Variants in SLC44A5 observed in about 807,000 individuals in gnomAD.
The protein encoded by SLC44A5 is choline transporter-like protein 5.
In SLC44A5, 57 loss-of-function variants were observed where a neutral mutation model predicts 101.8. The ratio of observed to expected loss-of-function variants is 0.56; its 90% confidence interval spans 0.45 to 0.70. The LOEUF is 0.70. Ranked by LOEUF, SLC44A5 falls within the 30% of genes least tolerant of loss-of-function variation. SLC44A5 has a pLI of 0.00. For synonymous variants in SLC44A5, 281 were observed against 290.9 expected, an observed-to-expected ratio of 0.97 and a Z score of 0.35; for missense variants, 737 against 853.1, an observed-to-expected ratio of 0.86 and a Z score of 1.70.
chr1:75,686,353 A>T, the SLC44A5 span, among the ~76,000 whole-genome samples: 1 of 152,240 alleles, frequency 6.6e-6, no homozygotes, highest in East Asian at 1.9e-4. Context: ...AATAAAAAAT[A>T]GTCATGGAAG....
At chr1:75,688,122 C>T in the SLC44A5 span, among the ~76,000 whole-genome samples, 1 of 152,168 alleles carries the variant, frequency 6.6e-6, no homozygotes, top group Non-Finnish European at 1.5e-5. Flanking sequence ...TCAACCTACA[C>T]CAAGTAGTTC....
chr1:75,491,826 G>T (rs1210164215), intron 2 of SLC44A5, among the ~76,000 whole-genome samples: 2 of 152,118 alleles, frequency 1.3e-5, no homozygotes, highest in Non-Finnish European at 2.9e-5. Flanking sequence ...TCAGTTGCTT[G>T]TTTCTAAAGA....
chr1:75,258,663 C>T (rs1399705681), intron 6 of SLC44A5, among the ~76,000 whole-genome samples: 3 of 152,118 alleles, frequency 2.0e-5, no homozygotes, highest in South Asian at 2.1e-4. Context: ...CCCAGCACAG[C>T]GTTTGAGCTC....
intron 2 of SLC44A5, among the ~76,000 whole-genome samples, chr1:75,501,782 T>A (rs1298778927): frequency 6.6e-6 from 1 of 152,210 alleles, no homozygotes; most frequent in Admixed American, 6.5e-5. Flanking sequence ...TCTGATGAAT[T>A]GTTATCTGAA....
intron 3 of SLC44A5, among the ~76,000 whole-genome samples, chr1:75,343,412 C>A (rs1658026726): frequency 2.0e-5 from 3 of 152,086 alleles, no homozygotes; most frequent in Admixed American, 2.0e-4. Flanking sequence ...TTTCACATGG[C>A]TCCATTGAAA....
chr1:75,234,996 G>A (rs533365407), intron 11 of SLC44A5, among the ~76,000 whole-genome samples: 121 of 152,120 alleles, frequency 8.0e-4, no homozygotes, highest in African/African-American at 2.7e-3. Context: ...CAGACAGAGT[G>A]TAGTACATTT....
intron 1 of SLC44A5, among the ~76,000 whole-genome samples, chr1:75,547,512 G>A (rs893733762): frequency 6.6e-6 from 1 of 152,186 alleles, no homozygotes; most frequent in African/African-American, 2.4e-5. Flanking sequence ...CTACCAAGAG[G>A]TGTAAGTGGT....
chr1:75,575,280 T>G (rs1477496763), intron 1 of SLC44A5, among the ~76,000 whole-genome samples: 3 of 152,210 alleles, frequency 2.0e-5, no homozygotes, highest in Non-Finnish European at 4.4e-5. Flanking sequence ...TGAACTAAAA[T>G]GATTTCAGAC....
At chr1:75,551,023 G>A (rs1249565951) in intron 1 of SLC44A5, among the ~76,000 whole-genome samples, 3 of 152,148 alleles carry the variant, frequency 2.0e-5, no homozygotes, top group Non-Finnish European at 4.4e-5. Context: ...TTGATGTAAA[G>A]TTTTTAGCAC....
At chr1:75,415,040 G>C (rs989601324) in intron 2 of SLC44A5, among the ~76,000 whole-genome samples, 7 of 152,224 alleles carry the variant, frequency 4.6e-5, no homozygotes, top group Admixed American at 1.3e-4. Flanking sequence ...CCAGTCAGGG[G>C]AGTGGAACAG....
At chr1:75,249,563 C>T (rs1384906945) in intron 7 of SLC44A5, among the ~76,000 whole-genome samples, 1 of 152,098 alleles carries the variant, frequency 6.6e-6, no homozygotes, top group Non-Finnish European at 1.5e-5. Flanking sequence ...GAAATCTTCT[C>T]AGAGAACGCA....
At chr1:75,719,399 G>A in the SLC44A5 span, among the ~76,000 whole-genome samples, 1 of 152,016 alleles carries the variant, frequency 6.6e-6, no homozygotes, top group African/African-American at 2.4e-5. Flanking sequence ...CCAATATAAT[G>A]AGACAAATTT....
chr1:75,477,156 AC>A, intron 2 of SLC44A5, among the ~76,000 whole-genome samples: 1 of 152,150 alleles, frequency 6.6e-6, no homozygotes, highest in Non-Finnish European at 1.5e-5. Context: ...TCTGGAGTGG[AC>A]CCCTAGCAAA....
At chr1:75,208,240 C>T (rs1420853155) in intron 23 of SLC44A5, among the ~76,000 whole-genome samples, 3 of 152,262 alleles carry the variant, frequency 2.0e-5, no homozygotes, top group Non-Finnish European at 2.9e-5. Flanking sequence ...CTCACTGCAG[C>T]CTCTGCCTCT....
chr1:75,534,264 G>A (rs1260537951), intron 2 of SLC44A5, among the ~76,000 whole-genome samples: 1 of 151,936 alleles, frequency 6.6e-6, no homozygotes. Flanking sequence ...TCAAAATGGA[G>A]TCACTTATGT....
chr1:75,501,952 C>G (rs1668983755), intron 2 of SLC44A5, among the ~76,000 whole-genome samples: 1 of 152,128 alleles, frequency 6.6e-6, no homozygotes, highest in South Asian at 2.1e-4. Flanking sequence ...ATGAATCTAA[C>G]AAGTTCAAGT....
At chr1:75,554,619 A>T (rs1407087495) in intron 1 of SLC44A5, among the ~76,000 whole-genome samples, 1 of 152,152 alleles carries the variant, frequency 6.6e-6, no homozygotes, top group Admixed American at 6.6e-5. Flanking sequence ...GTATTCCTGG[A>T]GTTGAAGAAA....
the SLC44A5 span, among the ~76,000 whole-genome samples, chr1:75,705,263 T>C: frequency 1.3e-5 from 2 of 152,198 alleles, no homozygotes; most frequent in Non-Finnish European, 2.9e-5. Flanking sequence ...ACCTTTTTCT[T>C]ATACTCCCCT....
At chr1:75,547,828 C>T (rs535362920) in intron 1 of SLC44A5, among the ~76,000 whole-genome samples, 77 of 152,248 alleles carry the variant, frequency 5.1e-4, no homozygotes, top group Non-Finnish European at 1.0e-3. Flanking sequence ...ACCTTACAGT[C>T]CTGATTTGGC....
Sources: allele counts gnomAD v4.1 joint callset (sites outside exome capture counted in the v4.1 genomes callset), GRCh38; gene constraint gnomAD v4.1.1; transcripts MANE v1.5; gene names NCBI Gene and HGNC (gene_info 2026-07-23, HGNC 2026-07-21).